The following APOH variants were observed in gnomAD, a reference collection of about 807,000 sequenced individuals.
The protein encoded by APOH is apolipoprotein H.
A neutral mutation model predicts 39.8 loss-of-function variants in APOH; 48 were observed. The ratio of observed to expected loss-of-function variants is 1.21; its 90% CI spans 0.96 to 1.54. APOH has a LOEUF of 1.54. APOH is among the 40% of genes most tolerant of loss of function. The pLI, the probability that APOH is intolerant of heterozygous loss-of-function variation, is 0.00. For missense variants in APOH, 415 were observed against 421.2 expected, an observed-to-expected ratio of 0.99 and a Z score of 0.13; for synonymous variants, 153 against 151.1, an observed-to-expected ratio of 1.01 and a Z score of -0.09.
chr17:66,213,849 G>A (rs2073348871), intron 7 of APOH, among the ~76,000 whole-genome samples: 1 of 151,974 alleles, frequency 6.6e-6, no homozygotes, highest in Non-Finnish European at 1.5e-5. Context: ...GAGGTGAAAG[G>A]GTCACTTGAG....
chr17:66,225,912 A>G (rs2073436601), intron 3 of APOH, 116 bp downstream of exon 3: 3 of 636,778 alleles, frequency 4.7e-6, no homozygotes, highest in East Asian at 3.0e-5. Flanking sequence ...ATCGATTTGC[A>G]TTTGAAAGTC....
At chr17:66,213,680 G>A (rs914229975) in intron 7 of APOH, among the ~76,000 whole-genome samples, 1 of 152,204 alleles carries the variant, frequency 6.6e-6, no homozygotes, top group African/African-American at 2.4e-5. Flanking sequence ...GCTCATGCCT[G>A]TAATCCTGGC....
chr17:66,222,782 G>A lies in APOH; in HGVS notation c.415+916C>T, dbSNP rs2032936752. 2.6e-5 allele frequency among the ~76,000 whole-genome samples: 4 copies of A among 152,104 alleles called. No homozygotes were observed. In the South Asian group the frequency reaches 8.3e-4, roughly 32 times the overall value. On this transcript the variant is annotated intron_variant, in intron 4 of 7. Coordinates refer to ENST00000205948, the MANE Select transcript of APOH (RefSeq NM_000042.3). Reference sequence around the variant, plus strand: ...GACGGAGTTTCTCCATGTTGGTCAGGCTGGTCTCGAACTCCTGACCTCAGG... The same window carrying A: ...GACGGAGTTTCTCCATGTTGGTCAGACTGGTCTCGAACTCCTGACCTCAGG...
chr17:66,219,706 G>A (rs1159915259), intron 5 of APOH, among the ~76,000 whole-genome samples: 1 of 152,142 alleles, frequency 6.6e-6, no homozygotes, highest in African/African-American at 2.4e-5. Flanking sequence ...ATTACTTGAG[G>A]TCAGGCATTT....
intron 6 of APOH, 134 bp downstream of exon 6, chr17:66,216,654 G>A: frequency 1.2e-6 from 1 of 816,238 alleles, no homozygotes; most frequent in Non-Finnish European, 1.9e-6. Flanking sequence ...TGTGAGTCCT[G>A]AAGTCACATG....
Position 66,229,400 on chromosome 17 carries a change from A to G in APOH, c.-21T>C, listed in dbSNP as rs2073461019. 6.2e-7 allele frequency: 1 copy of G among 1,611,526 alleles called. No individual in the cohort carries two copies. Among genetic ancestry groups the G allele is most frequent in the Admixed American group, 1.7e-5 (1 of 59,878 alleles). On this transcript the variant is annotated 5_prime_UTR_variant, in exon 1 of 8. Coordinates refer to ENST00000205948, the MANE Select transcript of APOH (RefSeq NM_000042.3). Reference sequence around the variant, plus strand: ...ATCATTGTGGATGAGTCACACTGGCACTACCAAAGTGGTTTTCGTCTGCTA... The same window carrying G: ...ATCATTGTGGATGAGTCACACTGGCGCTACCAAAGTGGTTTTCGTCTGCTA...
At position 66,220,589 on chromosome 17, in the gene APOH, G is replaced by A. The variant is rs1384513448; in HGVS notation, c.569C>T (p.Thr190Ile). 1 of 1,614,148 alleles carries A rather than the reference G, an allele frequency of 6.2e-7. No homozygotes were observed. Among genetic ancestry groups the A allele is most frequent in the Non-Finnish European group, 8.5e-7 (1 of 1,180,010 alleles). The change falls in exon 5 of 8, where the codon ACA becomes ATA. Residue 190 changes from threonine (T) to isoleucine (I), a missense_variant. Coordinates refer to ENST00000205948, the MANE Select transcript of APOH (RefSeq NM_000042.3). ...MFGNDTITCT[T>I]HGNWTKLPEC... ...TGGTAATTTAGTCCAATTTCCATGT[G>A]TCGTGCAGGTAATTGTATCATTTCC... is the stretch of plus-strand genomic sequence containing the variant.
chr17:66,223,569 A>G (rs2073415715), intron 4 of APOH, 129 bp downstream of exon 4: 2 of 773,040 alleles, frequency 2.6e-6, no homozygotes, highest in Non-Finnish European at 4.3e-6. Context: ...ACCAGGATGA[A>G]TATCCCCCAC....
In APOH at chr17:66,214,285, G is replaced by C. The variant is rs1971682; in HGVS notation, c.982+168C>G. Among the ~76,000 whole-genome samples the C allele has an allele frequency of 0.67, 102,516 of 152,040 alleles. 35,436 individuals are homozygous for C. The highest frequency in any genetic ancestry group is 0.92 in the East Asian group (4,725 of 5,154). On this transcript the variant is annotated intron_variant, in intron 7 of 7. Coordinates refer to ENST00000205948, the MANE Select transcript of APOH (RefSeq NM_000042.3). ...TTTTGGCCAGGCTGCTCTCAAACTC[G>C]TGACCTCAGGTGATCCACCCGCCTC...
chr17:66,227,485 C>A (rs2073446979), intron 2 of APOH, among the ~76,000 whole-genome samples: 1 of 151,926 alleles, frequency 6.6e-6, no homozygotes, highest in African/African-American at 2.4e-5. Context: ...ATAAAAGCAA[C>A]CATTTACAGT....
intron 2 of APOH, among the ~76,000 whole-genome samples, chr17:66,227,369 T>C (rs1261559426): frequency 6.6e-6 from 1 of 152,180 alleles, no homozygotes; most frequent in East Asian, 1.9e-4. Context: ...GCTTAACTTC[T>C]ACATATAATT....
At position 66,220,553 on chromosome 17, in the gene APOH, C is replaced by A. The variant is rs111559858; in HGVS notation, c.604+1G>T. 6.2e-7 allele frequency: 1 copy of A among 1,613,682 alleles called. No homozygotes were observed. Among genetic ancestry groups the A allele is most frequent in the Non-Finnish European group, 8.5e-7 (1 of 1,179,612 alleles). On this transcript the variant is annotated splice_donor_variant, in intron 5 of 7. Transcript: ENST00000205948. LOFTEE classifies it high-confidence loss of function. ...GTATTTTGTCTGATCATTGCACTTA[C>A]CCCTGCATTCTGGTAATTTAGTCCA... is the stretch of plus-strand genomic sequence containing the variant.
intron 4 of APOH, among the ~76,000 whole-genome samples, chr17:66,222,859 C>T: frequency 6.6e-6 from 1 of 152,204 alleles, no homozygotes; most frequent in Non-Finnish European, 1.5e-5. Flanking sequence ...GCGTGAACCA[C>T]TGCACCTGCC....
At chr17:66,218,935 G>C (rs1399660089) in intron 5 of APOH, among the ~76,000 whole-genome samples, 1 of 152,018 alleles carries the variant, frequency 6.6e-6, no homozygotes, top group Non-Finnish European at 1.5e-5. Flanking sequence ...GCTCAAACCT[G>C]GGAGGTAGAT....
At chr17:66,223,221 C>G (rs1365078179) in intron 4 of APOH, among the ~76,000 whole-genome samples, 3 of 152,208 alleles carry the variant, frequency 2.0e-5, no homozygotes, top group Admixed American at 2.0e-4. Context: ...AGCCTCAGTG[C>G]TAACAAGAGG....
rs188399356 is a variant in APOH at position 66,224,676 on chromosome 17, G to A, written c.339-902C>T. Among the ~76,000 whole-genome samples the A allele has an allele frequency of 8.3e-3, 283 of 33,924 alleles. 6 individuals are homozygous for A. Among genetic ancestry groups the A allele is most frequent in the East Asian group, 0.035 (21 of 604 alleles). The allele number at this position is 33,924 out of a possible 152,430, so 22.3% of individuals were successfully genotyped here. A position where few individuals can be genotyped will look rare whatever the true frequency, so the allele number is the denominator to read the frequency against. On this transcript the variant is annotated intron_variant, in intron 3 of 7. Coordinates refer to ENST00000205948, the MANE Select transcript of APOH (RefSeq NM_000042.3). ...GGGAAGGGAAGGGAAGGGAAGGGAA[G>A]GGAAGGGAAGGGAAGGGAAAGGAAA...
chr17:66,216,399 G>C (rs2073365692), intron 6 of APOH, among the ~76,000 whole-genome samples: 1 of 151,092 alleles, frequency 6.6e-6, no homozygotes, highest in Admixed American at 6.6e-5. Flanking sequence ...TAGGAGAATT[G>C]CTTGAACCCG....
At chr17:66,221,417 A>AAGGAAGGG (rs1366266781) in intron 4 of APOH, among the ~76,000 whole-genome samples, 18 of 18,998 alleles carry the variant, frequency 9.5e-4, no homozygotes, top group East Asian at 0.013. Context: ...GGAAGGAAGG[A>AAGGAAGGG]AGGAAGGAAG....
chr17:66,221,228 A>C (rs1298468117), intron 4 of APOH, among the ~76,000 whole-genome samples: 1 of 148,732 alleles, frequency 6.7e-6, no homozygotes, highest in East Asian at 2.0e-4. Context: ...ATAAATAAAT[A>C]AATAAATAAA....
Sources: gnomAD v4.1 joint callset for allele counts (sites outside exome capture counted in the v4.1 genomes callset) on GRCh38, gnomAD v4.1.1 for gene constraint, MANE v1.5 for transcripts, NCBI Gene and HGNC (gene_info 2026-07-23, HGNC 2026-07-21) for gene names.